The following LINGO2 variants were observed in gnomAD, a reference collection of about 807,000 sequenced individuals.
LINGO2 encodes leucine-rich repeat and immunoglobulin-like domain-containing nogo receptor-interacting protein 2.
Under a neutral mutation model 30.6 loss-of-function variants are expected in LINGO2, and 14 were observed. That is an observed-to-expected ratio of 0.46 (90% CI 0.30 to 0.72). LINGO2 has a LOEUF of 0.72. LINGO2 is among the 30% of genes least tolerant of loss of function. The pLI is 0.07. For missense variants in LINGO2, 729 were observed against 751.7 expected (o/e 0.97, Z 0.35); for synonymous variants, 317 against 288.5 (o/e 1.10, Z -1.00).
intron 4 of LINGO2, among the ~76,000 whole-genome samples, chr9:28,259,728 T>C (rs1822501642): frequency 6.6e-6 from 1 of 151,460 alleles, no homozygotes; most frequent in South Asian, 2.1e-4. Flanking sequence ...CCAAAGGAAA[T>C]TGATCAAGAA....
intron 5 of LINGO2, among the ~76,000 whole-genome samples, chr9:27,988,559 G>A (rs181869304): frequency 1.2e-4 from 18 of 152,086 alleles, no homozygotes; most frequent in South Asian, 2.1e-4. Context: ...GTGTGAGATG[G>A]TATCTCACTG....
the LINGO2 span, chr9:27,941,822 T>C: frequency 6.6e-6 from 1 of 152,186 alleles, no homozygotes; most frequent in Non-Finnish European, 1.5e-5. Flanking sequence ...TTTTTTCAAT[T>C]TGCTTGAAGA....
intron 3 of LINGO2, among the ~76,000 whole-genome samples, chr9:28,322,346 AT>A (rs1273704225): frequency 1.3e-5 from 2 of 152,162 alleles, no homozygotes; most frequent in African/African-American, 4.8e-5. Flanking sequence ...CACTTAAAAA[AT>A]ATTACCTGTC....
intron 4 of LINGO2, among the ~76,000 whole-genome samples, chr9:28,040,103 A>T (rs888157311): frequency 6.6e-6 from 1 of 152,182 alleles, no homozygotes; most frequent in African/African-American, 2.4e-5. Flanking sequence ...TTTGACTATA[A>T]ATCAAATGTT....
chr9:28,743,405 A>C, the LINGO2 span, among the ~76,000 whole-genome samples: 1 of 151,456 alleles, frequency 6.6e-6, no homozygotes, highest in Non-Finnish European at 1.5e-5. Flanking sequence ...TCATTGTTCA[A>C]CTCATACTTA....
intron 4 of LINGO2, among the ~76,000 whole-genome samples, chr9:28,055,905 G>T (rs886528306): frequency 6.6e-6 from 1 of 152,096 alleles, no homozygotes; most frequent in Non-Finnish European, 1.5e-5. Flanking sequence ...TGATTACCAC[G>T]ATTACTTCTC....
At chr9:27,972,705 C>T (rs1820414059) in intron 5 of LINGO2, among the ~76,000 whole-genome samples, 1 of 152,202 alleles carries the variant, frequency 6.6e-6, no homozygotes, top group Non-Finnish European at 1.5e-5. Context: ...AGGCTTACCA[C>T]AGGAGTCAGA....
chr9:28,098,063 G>A (rs774797299), intron 4 of LINGO2, among the ~76,000 whole-genome samples: 4 of 152,196 alleles, frequency 2.6e-5, no homozygotes, highest in East Asian at 1.9e-4. Context: ...CCAATACTAC[G>A]GGAGGCCGTG....
At chr9:28,009,138 A>G (rs1822418554) in intron 5 of LINGO2, among the ~76,000 whole-genome samples, 2 of 13,810 alleles carry the variant, frequency 1.4e-4, no homozygotes, top group African/African-American at 3.0e-4. Flanking sequence ...TTCAAAGGGA[A>G]AAGTTTTTTT....
chr9:28,569,741 A>C (rs927146386), intron 1 of LINGO2, among the ~76,000 whole-genome samples: 2 of 151,940 alleles, frequency 1.3e-5, no homozygotes, highest in African/African-American at 4.8e-5. Context: ...TATCTATGAT[A>C]ATTGTATAAA....
chr9:28,942,267 T>C, the LINGO2 span, among the ~76,000 whole-genome samples: 3 of 152,206 alleles, frequency 2.0e-5, no homozygotes, highest in African/African-American at 7.2e-5. Flanking sequence ...ACTTAATTTG[T>C]ATATCATCTC....
intron 1 of LINGO2, among the ~76,000 whole-genome samples, chr9:28,574,382 C>T (rs1274317548): frequency 2.6e-5 from 4 of 152,164 alleles, no homozygotes; most frequent in Non-Finnish European, 5.9e-5. Context: ...CAAATCTCAG[C>T]CATTTGTTTC....
the LINGO2 span, among the ~76,000 whole-genome samples, chr9:29,158,257 G>T: frequency 4.6e-5 from 7 of 151,960 alleles, no homozygotes; most frequent in African/African-American, 1.7e-4. Flanking sequence ...TTGGGAGGCT[G>T]GGATGAGAGG....
intron 1 of LINGO2, among the ~76,000 whole-genome samples, chr9:28,496,353 G>A (rs1319956044): frequency 6.6e-6 from 1 of 152,040 alleles, no homozygotes; most frequent in Non-Finnish European, 1.5e-5. Flanking sequence ...CCCGTATTGG[G>A]TGCATATATA....
At chr9:28,653,123 G>A (rs1156369041) in intron 1 of LINGO2, among the ~76,000 whole-genome samples, 1 of 151,984 alleles carries the variant, frequency 6.6e-6, no homozygotes, top group South Asian at 2.1e-4. Flanking sequence ...CATTAGTCAG[G>A]CTTACTGTAT....
chr9:28,315,272 G>T (rs1330930584), intron 3 of LINGO2, among the ~76,000 whole-genome samples: 1 of 151,952 alleles, frequency 6.6e-6, no homozygotes, highest in Non-Finnish European at 1.5e-5. Flanking sequence ...CGACGAGGTG[G>T]CAGGCGCCTG....
chr9:28,766,458 A>C, the LINGO2 span, among the ~76,000 whole-genome samples: 1 of 151,190 alleles, frequency 6.6e-6, no homozygotes, highest in Non-Finnish European at 1.5e-5. Flanking sequence ...AAAAAAAAAA[A>C]CCCTTGTACA....
chr9:28,768,295 C>T, the LINGO2 span, among the ~76,000 whole-genome samples: 1 of 152,138 alleles, frequency 6.6e-6, no homozygotes, highest in Non-Finnish European at 1.5e-5. Context: ...TTACAGGTTC[C>T]AAAACATTCG....
the LINGO2 span, among the ~76,000 whole-genome samples, chr9:28,945,133 G>C: frequency 6.6e-6 from 1 of 152,044 alleles, no homozygotes; most frequent in African/African-American, 2.4e-5. Context: ...TGCTATCTTG[G>C]TACCAAGATT....
Sources: gnomAD v4.1 joint callset for allele counts (sites outside exome capture counted in the v4.1 genomes callset) on GRCh38, gnomAD v4.1.1 for gene constraint, MANE v1.5 for transcripts, NCBI Gene and HGNC (gene_info 2026-07-23, HGNC 2026-07-21) for gene names.